PLIN1: variants seen among roughly 807,000 people sequenced by gnomAD.
The protein encoded by PLIN1 is perilipin-1.
PLIN1 carries 37 observed loss-of-function variants against 45.8 expected under a neutral mutation model. The observed-to-expected ratio is 0.81, with a 90% CI of 0.62 to 1.06. PLIN1 has a LOEUF of 1.06. PLIN1 is among the 50% of genes least tolerant of loss of function. The probability of loss-of-function intolerance (pLI) is 0.00; values close to 1 mark genes in which losing one functional copy is unlikely to be tolerated. For missense variants in PLIN1, 776 were observed against 716.5 expected, an observed-to-expected ratio of 1.08 and a Z score of -0.95; for synonymous variants, 340 against 309.2, an observed-to-expected ratio of 1.10 and a Z score of -1.05.
At chr15:89,677,557 G>A in intron 1 of PLIN1, 54 bp from the exon 2 acceptor site, 1 of 1,466,510 alleles carries the variant, frequency 6.8e-7, no homozygotes, top group Non-Finnish European at 9.6e-7. Flanking sequence ...GAGCTCCACT[G>A]GGTCACTTCC....
In PLIN1 at chr15:89,665,707, G is replaced by T; in HGVS notation, c.1445C>A (p.Pro482Gln). The change falls in exon 9 of 9, where the codon CCG (proline) becomes CAG (glutamine). Residue 482 changes from proline to glutamine, a missense_variant. Transcript: ENST00000300055. ...CTCGCGGGGCACGGCCGGGAAGCCC[G>T]GGCGCGGCGCTGCGGGCGTGGCGAC... is the stretch of plus-strand genomic sequence containing the variant. ...DEVATPAAPR[P>Q]GFPAVPREKP... 6.8e-7 allele frequency: 1 copy of T among 1,469,308 alleles called. No homozygotes were observed. The highest frequency in any genetic ancestry group is 9.0e-7 in the Non-Finnish European group (1 of 1,113,540). The allele number at this position is 1,469,308 out of a possible 1,614,324, so 91.0% of individuals were successfully genotyped here. A position where few individuals can be genotyped will look rare whatever the true frequency, so the allele number is the denominator to read the frequency against.
At position 89,667,292 on chromosome 15, in the gene PLIN1, T is replaced by G; in HGVS notation, c.964-111A>C. ...CATGAGAATACCAAATTTACAAAAC[T>G]TCAGGCCTATTCTGCCACTAGCAGT... On this transcript the variant is annotated intron_variant, in intron 7 of 8. Transcript: ENST00000300055. 2.1e-6 allele frequency: 3 copies of G among 1,413,586 alleles called. No homozygotes were observed. The South Asian group carries it at 3.7e-5, about 17-fold the overall frequency. 87.6% of individuals were successfully genotyped at this position (1,413,586 alleles called of 1,614,324 possible). A position where few individuals can be genotyped will look rare whatever the true frequency, so the allele number is the denominator to read the frequency against.
intron 4 of PLIN1, 84 bp downstream of exon 4, chr15:89,671,398 G>A (rs8179038): frequency 4.4e-5 from 43 of 976,040 alleles, no homozygotes; most frequent in Admixed American, 3.2e-4. Flanking sequence ...TTCCAGTCAC[G>A]GCATCAGCAG....
chr15:89,676,436 A>G (rs917393066), intron 2 of PLIN1, among the ~76,000 whole-genome samples: 3 of 151,972 alleles, frequency 2.0e-5, no homozygotes, highest in Non-Finnish European at 2.9e-5. Flanking sequence ...TTTAGTAGAG[A>G]TGGGGTTTCA....
At chr15:89,666,162 G>A (rs952249567) in intron 8 of PLIN1, among the ~76,000 whole-genome samples, 2 of 152,220 alleles carry the variant, frequency 1.3e-5, no homozygotes, top group African/African-American at 4.8e-5. Context: ...GGCAAGCCAA[G>A]CCTCCCAAAG....
intron 8 of PLIN1, among the ~76,000 whole-genome samples, chr15:89,666,284 C>G (rs1964338944): frequency 6.6e-6 from 1 of 152,322 alleles, no homozygotes; most frequent in African/African-American, 2.4e-5. Flanking sequence ...GGTACACCTT[C>G]CTGGGGCTGG....
chr15:89,673,194 C>T lies in PLIN1; in HGVS notation c.250+16G>A, dbSNP rs1350894581. ...AGTGAACAAGCAGGCAGCTGCTGAG[C>T]GCCGCAAGGACTCACACTGGGTGGA... On this transcript the variant is annotated intron_variant, in intron 3 of 8. Transcript: ENST00000300055. The T allele has an allele frequency of 1.4e-5, 22 of 1,540,736 alleles. No individual in the cohort carries two copies. Among genetic ancestry groups the T allele is most frequent in the South Asian group, 2.4e-5 (2 of 84,160 alleles).
rs1001687126 is a variant in PLIN1 at position 89,665,412 on chromosome 15, A to T, written c.*171T>A. 1 of 486,248 alleles carries T rather than the reference A, an allele frequency of 2.1e-6. No individual in the cohort carries two copies. The highest frequency in any genetic ancestry group is 3.3e-6 in the Non-Finnish European group (1 of 299,194). 30.1% of individuals were successfully genotyped at this position (486,248 alleles called of 1,614,324 possible). Reference sequence around the variant, plus strand: ...GAAGCCCCAAAAGGATGCTAAAAAAAAAATAAAAATAAAATAAAAATAAAA... The same window carrying T: ...GAAGCCCCAAAAGGATGCTAAAAAATAAATAAAAATAAAATAAAAATAAAA... On this transcript the variant is annotated 3_prime_UTR_variant, in exon 9 of 9. Transcript: ENST00000300055.
rs542079860 is a variant in PLIN1 at position 89,673,467 on chromosome 15, G to A, written c.46-53C>T. 6.1e-5 allele frequency: 89 copies of A among 1,462,016 alleles called. 1 individual carries two copies. The East Asian group carries it at 1.3e-3, about 22-fold the overall frequency. 90.6% of individuals were successfully genotyped at this position (1,462,016 alleles called of 1,614,324 possible). A position where few individuals can be genotyped will look rare whatever the true frequency, so the allele number is the denominator to read the frequency against. On this transcript the variant is annotated intron_variant, in intron 2 of 8. Coordinates refer to ENST00000300055, the MANE Select transcript of PLIN1 (RefSeq NM_002666.5). ...GTCCCACCTCCCTCTCCAGCCTCCC[G>A]GGAAGCTGACCCCGGGGTCATGGGG...
chr15:89,675,218 G>C (rs1030437145), intron 2 of PLIN1, among the ~76,000 whole-genome samples: 4 of 152,164 alleles, frequency 2.6e-5, no homozygotes, highest in Non-Finnish European at 4.4e-5. Flanking sequence ...CCGGGGTGCT[G>C]TGCTGTTAGT....
In PLIN1 at chr15:89,677,578, T is replaced by C. The variant is rs1029990776; in HGVS notation, c.-14-75A>G. 7.1e-6 allele frequency: 9 copies of C among 1,263,974 alleles called. No individual in the cohort carries two copies. In the Admixed American group the frequency reaches 1.5e-4, roughly 21 times the overall value. The allele number at this position is 1,263,974 out of a possible 1,614,324, so 78.3% of individuals were successfully genotyped here. On this transcript the variant is annotated intron_variant, in intron 1 of 8. Transcript: ENST00000300055. ...CACTGGGTCACTTCCCTACCTCTCA[T>C]GGCCACCAACTAGGCCCAGGCTGCC...
chr15:89,667,759 A>G lies in PLIN1; in HGVS notation c.806T>C (p.Met269Thr). ...GCTCCTCCGCCGGGACACCGCCTGC[A>G]TGGCCACTGAGGCACCCCACTGGGC... ...SLAQWGASVA[M>T]QAVSRRRSEV... is the part of the protein sequence containing the mutation. Residue 269 changes from methionine to threonine, a missense_variant, in exon 7 of 9, where the codon ATG becomes ACG. By Grantham distance (81) the Met-to-Thr change is moderately conservative. Transcript: ENST00000300055. 1.9e-6 allele frequency: 3 copies of G among 1,563,428 alleles called. No individual in the cohort carries two copies. Among genetic ancestry groups the G allele is most frequent in the Admixed American group, 1.9e-5 (1 of 51,562 alleles).
rs1964316953 is a variant in PLIN1, at chr15:89,665,467, G to A, written c.*116C>T. ...CGCCTTGGCAGCATCATCAGGATGA[G>A]GCTGAGCTCCCCAGGGGACCACTTT... On this transcript the variant is annotated 3_prime_UTR_variant, in exon 9 of 9. Transcript: ENST00000300055. The A allele has an allele frequency of 2.3e-6, 2 of 861,656 alleles. No homozygotes were observed. The highest frequency in any genetic ancestry group is 3.5e-5 in the African/African-American group (2 of 56,524). 53.4% of individuals were successfully genotyped at this position (861,656 alleles called of 1,614,324 possible).
chr15:89,665,107 G>A lies in PLIN1; in HGVS notation c.*476C>T, dbSNP rs937643307. 1 of 361,316 alleles carries A rather than the reference G, an allele frequency of 2.8e-6. No individual in the cohort carries two copies. Among genetic ancestry groups the A allele is most frequent in the Non-Finnish European group, 5.5e-6 (1 of 182,660 alleles). The allele number at this position is 361,316 out of a possible 1,614,324, so 22.4% of individuals were successfully genotyped here. ...TCATCAGAGGATGTTCATCAGAGGG[G>A]GAACAGATCATCCTAGATCACAGAG... On this transcript the variant is annotated 3_prime_UTR_variant, in exon 9 of 9. Transcript: ENST00000300055.
At chr15:89,667,838 G>A (rs1197964850) in intron 6 of PLIN1, 45 bp from the exon 7 acceptor site, 2 of 1,540,298 alleles carry the variant, frequency 1.3e-6, no homozygotes, top group Non-Finnish European at 1.7e-6. Context: ...TGCCCCTGCT[G>A]AAGGCCAGGG....
Position 89,665,754 on chromosome 15 carries a change from G to C in PLIN1, c.1398C>G (p.Pro466=), listed in dbSNP as rs1420035683. ...LRSAQSPGAP[P]GPGLEDEVAT... ...CGACTTCGTCCTCCAGGCCCGGGCC[G>C]GGGGGCGCGCCGGGGCTCTGCGCGC... The change falls in exon 9 of 9, where the codon CCC becomes CCG. Residue 466 remains proline, a synonymous_variant. Transcript: ENST00000300055. 3.0e-6 allele frequency: 4 copies of C among 1,321,580 alleles called. No individual in the cohort carries two copies. Among genetic ancestry groups the C allele is most frequent in the East Asian group, 6.4e-5 (2 of 31,496 alleles). 81.9% of individuals were successfully genotyped at this position (1,321,580 alleles called of 1,614,324 possible).
At chr15:89,675,807 G>C (rs1964507069) in intron 2 of PLIN1, among the ~76,000 whole-genome samples, 1 of 152,062 alleles carries the variant, frequency 6.6e-6, no homozygotes, top group Non-Finnish European at 1.5e-5. Flanking sequence ...GAAACAGGAA[G>C]TGATTTACCC....
At chr15:89,671,387 C>A (rs1463663243) in intron 4 of PLIN1, 95 bp downstream of exon 4, 3 of 906,456 alleles carry the variant, frequency 3.3e-6, no homozygotes. Context: ...GGGACACAGA[C>A]TTCCAGTCAC....
rs542866752 is a variant in PLIN1, at chr15:89,669,571, C to T, written c.700G>A (p.Val234Met). The change falls in exon 6 of 9, where the codon GTG becomes ATG. Residue 234 changes from valine to methionine, a missense_variant. By Grantham distance (21) the Val-to-Met change is conservative (BLOSUM62 1). Coordinates refer to ENST00000300055, the MANE Select transcript of PLIN1 (RefSeq NM_002666.5). Reference sequence around the variant, plus strand: ...TCCAGGGCCCGGGCCATGGTCTGCACGGTGTATCGAGAGAGGGTGTTGGTC... The same window carrying T: ...TCCAGGGCCCGGGCCATGGTCTGCATGGTGTATCGAGAGAGGGTGTTGGTC... ...ALTNTLSRYT[V>M]QTMARALEQG... The T allele has an allele frequency of 1.6e-5, 26 of 1,613,892 alleles. No homozygotes were observed. The highest frequency in any genetic ancestry group is 1.3e-4 in the African/African-American group (10 of 75,034).
Sources: allele counts gnomAD v4.1 joint callset (sites outside exome capture counted in the v4.1 genomes callset), GRCh38; gene constraint gnomAD v4.1.1; transcripts MANE v1.5; gene names NCBI Gene and HGNC (gene_info 2026-07-23, HGNC 2026-07-21).